The following SAMD12 variants were observed in gnomAD, a reference collection of about 807,000 sequenced individuals.
The protein encoded by SAMD12 is sterile alpha motif domain-containing protein 12.
A neutral mutation model predicts 15.0 loss-of-function variants in SAMD12; 9 were observed. The ratio of observed to expected loss-of-function variants is 0.60; its 90% CI spans 0.36 to 1.05. The LOEUF (loss-of-function observed/expected upper bound fraction) is 1.05, where lower values mean the gene tolerates loss of function less well. SAMD12 is among the 50% of genes least tolerant of loss of function. SAMD12 has a pLI of 0.01. For synonymous variants in SAMD12, 86 were observed against 90.1 expected (o/e 0.96, Z 0.25); for missense variants, 230 against 234.2 (o/e 0.98, Z 0.12).
chr8:118,469,129 C>A (rs1286430305), intron 2 of SAMD12, among the ~76,000 whole-genome samples: 1 of 152,136 alleles, frequency 6.6e-6, no homozygotes, highest in East Asian at 1.9e-4. Flanking sequence ...GTCCCCTTGT[C>A]ATCTCTCACC....
chr8:118,363,538 C>G (rs976486650), intron 4 of SAMD12, among the ~76,000 whole-genome samples: 2 of 152,058 alleles, frequency 1.3e-5, no homozygotes, highest in Non-Finnish European at 2.9e-5. Flanking sequence ...GAGTTTTGAG[C>G]ATGCCAGCTT....
chr8:118,547,906 C>T (rs1224760475), intron 2 of SAMD12, among the ~76,000 whole-genome samples: 1 of 152,110 alleles, frequency 6.6e-6, no homozygotes, highest in East Asian at 1.9e-4. Flanking sequence ...CATCCTCACA[C>T]GACCTCCAAC....
chr8:118,303,128 T>C (rs560117679), intron 4 of SAMD12, among the ~76,000 whole-genome samples: 1 of 152,354 alleles, frequency 6.6e-6, no homozygotes, highest in South Asian at 2.1e-4. Context: ...TTTTCATTTG[T>C]GTATCATCCC....
intron 3 of SAMD12, chr8:118,394,780 C>T (rs1586658371): frequency 6.6e-6 from 1 of 152,068 alleles, no homozygotes; most frequent in East Asian, 1.9e-4. Context: ...GCTCTTTTAT[C>T]CCAGAGATTA....
the SAMD12 span, among the ~76,000 whole-genome samples, chr8:118,140,652 G>A: frequency 6.6e-6 from 1 of 152,148 alleles, no homozygotes; most frequent in African/African-American, 2.4e-5. Context: ...GAGGTGGAGG[G>A]CATCGTGTTT....
At chr8:118,524,870 T>C (rs889126537) in intron 2 of SAMD12, among the ~76,000 whole-genome samples, 3 of 152,192 alleles carry the variant, frequency 2.0e-5, no homozygotes, top group Non-Finnish European at 2.9e-5. Context: ...ACCACTCTCC[T>C]GTGGATAATT....
intron 4 of SAMD12, among the ~76,000 whole-genome samples, chr8:118,230,848 G>A (rs1812297096): frequency 6.6e-6 from 1 of 152,162 alleles, no homozygotes; most frequent in African/African-American, 2.4e-5. Flanking sequence ...GGGGCAGGAA[G>A]GAACCCAATC....
At chr8:118,573,026 C>T (rs1827060508) in intron 2 of SAMD12, among the ~76,000 whole-genome samples, 1 of 152,174 alleles carries the variant, frequency 6.6e-6, no homozygotes, top group Non-Finnish European at 1.5e-5. Context: ...TCCTGCTGCC[C>T]TGTGAAGAGG....
chr8:118,326,892 C>T (rs368944004), intron 4 of SAMD12, among the ~76,000 whole-genome samples: 4 of 152,276 alleles, frequency 2.6e-5, no homozygotes, highest in East Asian at 1.9e-4. Flanking sequence ...TAAATGCTTA[C>T]GTATAATTAG....
intron 2 of SAMD12, among the ~76,000 whole-genome samples, chr8:118,524,493 TC>T (rs2131100390): frequency 6.6e-6 from 1 of 152,140 alleles, no homozygotes; most frequent in South Asian, 2.1e-4. Flanking sequence ...GCTCTGCTCT[TC>T]CCTCCCCCTA....
At position 118,560,193 on chromosome 8, in the gene SAMD12, T is replaced by G. The variant is rs75066613; in HGVS notation, c.192+20522A>C. Among the ~76,000 whole-genome samples the G allele has an allele frequency of 7.4e-3, 1,133 of 152,378 alleles. 8 individuals carry two copies. The highest frequency in any genetic ancestry group is 0.012 in the Non-Finnish European group (789 of 68,038). On this transcript the variant is annotated intron_variant, in intron 2 of 3. Transcript: ENST00000314727. ...TCCATAGTCAATTAAGATAATTGTT[T>G]CTTTAAATTCCTACTTTCCTCAGTC... is the stretch of plus-strand genomic sequence containing the variant.
rs575936798 is a variant in SAMD12 at position 118,313,618 on chromosome 8, CAA to C, written c.433+65940_433+65941del. On this transcript the variant is annotated intron_variant, in intron 4 of 4. Coordinates refer to the SAMD12 transcript ENST00000409003. ...TCGGTATAGCAGACAGAATGTGTAA[CAA>C]GAGACTAAAAAAAGCAATATGGTTC... Among the ~76,000 whole-genome samples, 272 of 152,076 alleles carry C rather than the reference CAA, an allele frequency of 1.8e-3. 2 individuals carry two copies. The highest frequency in any genetic ancestry group is 6.4e-3 in the African/African-American group (266 of 41,498).
At chr8:118,500,353 T>C (rs901219361) in intron 2 of SAMD12, among the ~76,000 whole-genome samples, 29 of 151,806 alleles carry the variant, frequency 1.9e-4, no homozygotes, top group African/African-American at 6.5e-4. Context: ...GCTGGGATTA[T>C]AGGCGTGAGC....
intron 4 of SAMD12, among the ~76,000 whole-genome samples, chr8:118,203,468 T>C (rs570651966): frequency 5.7e-4 from 87 of 152,200 alleles, no homozygotes; most frequent in Non-Finnish European, 1.1e-3. Flanking sequence ...CTGCTGAACA[T>C]TTTAGAATGT....
intron 3 of SAMD12, among the ~76,000 whole-genome samples, chr8:118,390,910 C>A (rs1002523408): frequency 1.3e-5 from 2 of 151,866 alleles, no homozygotes; most frequent in Non-Finnish European, 2.9e-5. Context: ...ATTATTTTGG[C>A]TGAATATATT....
chr8:118,535,141 T>C (rs1279822218), intron 2 of SAMD12, among the ~76,000 whole-genome samples: 1 of 152,230 alleles, frequency 6.6e-6, no homozygotes, highest in East Asian at 1.9e-4. Flanking sequence ...GGATGTCCTT[T>C]CTGTTTGTTA....
intron 4 of SAMD12, among the ~76,000 whole-genome samples, chr8:118,258,609 AC>A (rs1377805144): frequency 6.6e-6 from 1 of 151,928 alleles, no homozygotes; most frequent in African/African-American, 2.4e-5. Context: ...CTGATCCATT[AC>A]CCCCCCTCAT....
At chr8:118,249,529 G>A (rs1812772506) in intron 4 of SAMD12, among the ~76,000 whole-genome samples, 1 of 152,164 alleles carries the variant, frequency 6.6e-6, no homozygotes, top group Non-Finnish European at 1.5e-5. Flanking sequence ...CGGATTTGAA[G>A]AGCTGACTTT....
At chr8:118,311,830 T>C (rs1275521042) in intron 4 of SAMD12, among the ~76,000 whole-genome samples, 1 of 152,204 alleles carries the variant, frequency 6.6e-6, no homozygotes, top group African/African-American at 2.4e-5. Context: ...CCTTTTTTGA[T>C]CACGAAGGCT....
Sources: gnomAD v4.1 joint callset for allele counts (sites outside exome capture counted in the v4.1 genomes callset) on GRCh38, gnomAD v4.1.1 for gene constraint, MANE v1.5 for transcripts, NCBI Gene and HGNC (gene_info 2026-07-23, HGNC 2026-07-21) for gene names.